Variants in ZBTB10 observed in about 807,000 individuals in gnomAD.
ZBTB10 encodes the protein zinc finger and BTB domain-containing protein 10.
In ZBTB10, 32 loss-of-function variants were observed where a neutral mutation model predicts 76.4. The ratio of observed to expected loss-of-function variants is 0.42; its 90% CI spans 0.32 to 0.56. ZBTB10 has a LOEUF of 0.56. Ranked by LOEUF, ZBTB10 falls within the 20% of genes least tolerant of loss-of-function variation. The pLI, the probability that ZBTB10 is intolerant of heterozygous loss-of-function variation, is 0.14. For synonymous variants in ZBTB10, 523 were observed against 432.9 expected (o/e 1.21, Z -2.58); for missense variants, 1,057 against 1,098.5 (o/e 0.96, Z 0.53).
Position 80,486,649 on chromosome 8 carries a change from CGCGAGCCGGGCTGCCGGGCGAGAGG to C in ZBTB10, c.-156_-132del. 2.0e-6 allele frequency: 2 copies of C among 987,410 alleles called. No individual in the cohort carries two copies. The highest frequency in any genetic ancestry group is 1.2e-4 in the Admixed American group (2 of 16,300). 61.2% of individuals were successfully genotyped at this position (987,410 alleles called of 1,614,324 possible). ...CGCGTGCAGCAGACCCGGGAGCGAG[CGCGAGCCGGGCTGCCGGGCGAGAGG>C]GCGAGGCCGAGCCCCGCGAGACCGG... On this transcript the variant is annotated 5_prime_UTR_variant, in exon 1 of 6. Transcript: ENST00000455036.
intron 3 of ZBTB10, among the ~76,000 whole-genome samples, chr8:80,517,434 CTAA>C (rs1018992610): frequency 1.1e-4 from 16 of 152,144 alleles, no homozygotes; most frequent in African/African-American, 3.9e-4. Flanking sequence ...CCTGTCCTTG[CTAA>C]TCTGAAGATC....
intron 2 of ZBTB10, among the ~76,000 whole-genome samples, chr8:80,502,826 T>A (rs1226659251): frequency 6.6e-6 from 1 of 152,174 alleles, no homozygotes; most frequent in Non-Finnish European, 1.5e-5. Flanking sequence ...TCATTTGTAC[T>A]ATGTAAACAA....
upstream of ZBTB10, chr8:80,486,192 C>T: frequency 8.9e-7 from 1 of 1,120,702 alleles, no homozygotes; most frequent in Non-Finnish European, 1.1e-6. Flanking sequence ...GTTACTGCTA[C>T]CCCGGTGCAT....
intron 2 of ZBTB10, among the ~76,000 whole-genome samples, chr8:80,506,787 G>C (rs1208721708): frequency 1.3e-5 from 2 of 152,124 alleles, no homozygotes; most frequent in African/African-American, 4.8e-5. Flanking sequence ...AGGGTCTCAC[G>C]TAACAGATTT....
intron 1 of ZBTB10, among the ~76,000 whole-genome samples, chr8:80,491,843 A>C (rs1002583539): frequency 6.6e-6 from 1 of 152,134 alleles, no homozygotes; most frequent in African/African-American, 2.4e-5. Flanking sequence ...CATCCTGTCA[A>C]CTCTTCCTGG....
At chr8:80,503,509 A>G (rs1235129847) in intron 2 of ZBTB10, among the ~76,000 whole-genome samples, 1 of 151,614 alleles carries the variant, frequency 6.6e-6, no homozygotes. Context: ...TTATTTATTT[A>G]TTTATTTATT....
At chr8:80,487,804 C>CT in intron 1 of ZBTB10, 22 bp downstream of exon 1, 1 of 1,528,318 alleles carries the variant, frequency 6.5e-7, no homozygotes, top group Non-Finnish European at 8.8e-7. Flanking sequence ...CCTGCTCCTA[C>CT]TTTTTTGAGA....
At chr8:80,496,153 C>A (rs1050205704) in intron 1 of ZBTB10, among the ~76,000 whole-genome samples, 1 of 152,110 alleles carries the variant, frequency 6.6e-6, no homozygotes, top group African/African-American at 2.4e-5. Context: ...GGCAAAGATA[C>A]CTGGAGTTAT....
intron 1 of ZBTB10, among the ~76,000 whole-genome samples, chr8:80,496,636 A>G (rs1452712585): frequency 6.6e-6 from 1 of 152,188 alleles, no homozygotes; most frequent in Non-Finnish European, 1.5e-5. Flanking sequence ...TTGGTATGAT[A>G]AAGGCAGAGA....
chr8:80,511,055 G>C (rs1418524885), intron 2 of ZBTB10, among the ~76,000 whole-genome samples: 1 of 152,114 alleles, frequency 6.6e-6, no homozygotes, highest in Non-Finnish European at 1.5e-5. Context: ...GTAATATATT[G>C]GTTCCTGAAA....
upstream of ZBTB10, chr8:80,485,924 C>T: frequency 6.6e-7 from 1 of 1,521,720 alleles, no homozygotes; most frequent in East Asian, 2.5e-5. Context: ...CCCTGACACT[C>T]GCCAGCTGTT....
rs1320928332 is a variant in ZBTB10 at position 80,523,295 on chromosome 8, TG to T, written c.*3769del. ...GAATTTCAGCTCTTAATGGAGTCTATGGATTATATTTTTCCTATAAGACAGC... is the reference window on the plus strand; with the variant it reads ...GAATTTCAGCTCTTAATGGAGTCTATGATTATATTTTTCCTATAAGACAGC... On this transcript the variant is annotated 3_prime_UTR_variant, in exon 6 of 6. Transcript: ENST00000455036. 2.5e-5 allele frequency: 3 copies of T among 121,786 alleles called. No individual in the cohort carries two copies. The East Asian group carries it at 6.3e-4, about 26-fold the overall frequency. The allele number at this position is 121,786 out of a possible 1,614,324, so 7.5% of individuals were successfully genotyped here. A position where few individuals can be genotyped will look rare whatever the true frequency, so the allele number is the denominator to read the frequency against.
rs201497955 is a variant in ZBTB10 at position 80,509,694 on chromosome 8, GGAGGTAGA to G, written c.1862-4213_1862-4206del. ...ATCATTGGTCATGGGCACATTTTTGGGAGGTAGAGACTGAGATTTAGACCAGTCTTTTA... is the reference window on the plus strand; with the variant it reads ...ATCATTGGTCATGGGCACATTTTTGGGACTGAGATTTAGACCAGTCTTTTA... On this transcript the variant is annotated intron_variant, in intron 2 of 5. Coordinates refer to ENST00000455036, the MANE Select transcript of ZBTB10 (RefSeq NM_001105539.3). 5.9e-4 allele frequency among the ~76,000 whole-genome samples: 90 copies of G among 152,230 alleles called. 2 individuals carry two copies. The East Asian group carries it at 0.016, about 27-fold the overall frequency.
chr8:80,505,444 T>C (rs1440731267), intron 2 of ZBTB10, among the ~76,000 whole-genome samples: 1 of 152,204 alleles, frequency 6.6e-6, no homozygotes, highest in African/African-American at 2.4e-5. Context: ...TGATTTTTTT[T>C]CCTTATGCCA....
chr8:80,486,927 T>G lies in ZBTB10; in HGVS notation c.117T>G (p.Pro39=). 1 of 1,506,068 alleles carries G rather than the reference T, an allele frequency of 6.6e-7. No individual in the cohort carries two copies. Among genetic ancestry groups the G allele is most frequent in the African/African-American group, 1.5e-5 (1 of 68,746 alleles). 93.3% of individuals were successfully genotyped at this position (1,506,068 alleles called of 1,614,324 possible). ...NNAGGEASAW[P]PQPQPRQPPP... ...CTGGCGGGGAGGCCTCAGCTTGGCC[T>G]CCGCAGCCCCAGCCGAGACAGCCCC... is the stretch of plus-strand genomic sequence containing the variant. The change falls in exon 1 of 6, where the codon CCT becomes CCG. Residue 39 remains proline, a synonymous_variant. Transcript: ENST00000455036.
At chr8:80,510,089 C>T (rs907951746) in intron 2 of ZBTB10, among the ~76,000 whole-genome samples, 9 of 152,236 alleles carry the variant, frequency 5.9e-5, no homozygotes, top group Non-Finnish European at 1.3e-4. Context: ...GCAATGATAG[C>T]TAGTACCTTG....
At chr8:80,488,313 G>C (rs1466158335) in intron 1 of ZBTB10, among the ~76,000 whole-genome samples, 2 of 152,214 alleles carry the variant, frequency 1.3e-5, no homozygotes, top group East Asian at 3.8e-4. Flanking sequence ...TATGAGAGCA[G>C]TATGTAAATG....
chr8:80,514,060 C>T (rs1404057090), intron 3 of ZBTB10, 52 bp downstream of exon 3: 3 of 1,301,920 alleles, frequency 2.3e-6, no homozygotes, highest in African/African-American at 3.4e-5. Flanking sequence ...GGAAGTGTTA[C>T]ATCTTACCTG....
chr8:80,513,428 C>T (rs1240155672), intron 2 of ZBTB10, among the ~76,000 whole-genome samples: 12 of 152,206 alleles, frequency 7.9e-5, no homozygotes, highest in African/African-American at 2.9e-4. Context: ...TAGGCCTGAG[C>T]CCCCACTTCC....
Sources: allele counts gnomAD v4.1 joint callset (sites outside exome capture counted in the v4.1 genomes callset), GRCh38; gene constraint gnomAD v4.1.1; transcripts MANE v1.5; gene names NCBI Gene and HGNC (gene_info 2026-07-23, HGNC 2026-07-21).